Variants in COL5A2 observed in about 807,000 individuals in gnomAD.
COL5A2 encodes collagen type V alpha 2 chain, also known as collagen alpha-2(V) chain.
Under a neutral mutation model 208.2 loss-of-function variants are expected in COL5A2, and 23 were observed. That is an observed-to-expected ratio of 0.11 (90% CI 0.08 to 0.16). COL5A2 has a LOEUF of 0.16. COL5A2 is among the 10% of genes least tolerant of loss of function. The probability of loss-of-function intolerance (pLI) is 1.00; values close to 1 mark genes in which losing one functional copy is unlikely to be tolerated. For missense variants in COL5A2, 1,590 were observed against 1,956.4 expected (o/e 0.81, Z 3.53); for synonymous variants, 625 against 628.5 (o/e 0.99, Z 0.08).
At chr2:189,049,294 G>C in intron 44 of COL5A2, 53 bp downstream of exon 44, 3 of 1,253,422 alleles carry the variant, frequency 2.4e-6, no homozygotes, top group Non-Finnish European at 3.5e-6. Flanking sequence ...GAAAAAAATT[G>C]TTTCCATGAC....
At chr2:189,291,783 G>A in the COL5A2 span, among the ~76,000 whole-genome samples, 1 of 149,892 alleles carries the variant, frequency 6.7e-6, no homozygotes, top group Non-Finnish European at 1.5e-5. Context: ...TTTTCCTGTG[G>A]AAAATTAAGC....
At chr2:189,210,293 C>T (rs1482396743) in intron 1 of COL5A2, among the ~76,000 whole-genome samples, 2 of 151,672 alleles carry the variant, frequency 1.3e-5, no homozygotes, top group South Asian at 4.2e-4. Context: ...ATGCAGGATC[C>T]CCAAGATTGA....
chr2:189,318,836 T>C, the COL5A2 span, among the ~76,000 whole-genome samples: 136 of 152,282 alleles, frequency 8.9e-4, no homozygotes, highest in Admixed American at 1.9e-3. Flanking sequence ...TTGAATAGTT[T>C]TGAATTTTGA....
At chr2:189,153,716 C>T (rs1368192429) in intron 1 of COL5A2, among the ~76,000 whole-genome samples, 1 of 151,988 alleles carries the variant, frequency 6.6e-6, no homozygotes. Flanking sequence ...TCTGGTATCT[C>T]TCTATATACT....
chr2:189,154,668 G>A (rs1018505214), intron 1 of COL5A2, among the ~76,000 whole-genome samples: 4 of 152,098 alleles, frequency 2.6e-5, no homozygotes, highest in African/African-American at 7.2e-5. Context: ...ATGAAATCTC[G>A]CTAGGTTGCC....
the COL5A2 span, among the ~76,000 whole-genome samples, chr2:189,337,175 AT>A: frequency 0.043 from 6,114 of 141,888 alleles, 146 homozygotes; most frequent in African/African-American, 0.056. Flanking sequence ...TTTTGACATC[AT>A]TTTTTTTTTT....
chr2:189,266,965 AAAT>A, the COL5A2 span, among the ~76,000 whole-genome samples: 9 of 151,512 alleles, frequency 5.9e-5, no homozygotes, highest in East Asian at 1.7e-3. Context: ...TAATGAAAAT[AAAT>A]ATTATATTAA....
chr2:189,409,316 A>G, the COL5A2 span, among the ~76,000 whole-genome samples: 1 of 149,470 alleles, frequency 6.7e-6, no homozygotes, highest in African/African-American at 2.5e-5. Flanking sequence ...AGTACAAGCA[A>G]TTTTTCCAAC....
chr2:189,282,503 A>G, the COL5A2 span, among the ~76,000 whole-genome samples: 1 of 152,208 alleles, frequency 6.6e-6, no homozygotes, highest in Non-Finnish European at 1.5e-5. Flanking sequence ...TGATGCAGTC[A>G]CTTGCTCCCA....
At chr2:189,337,777 C>A in the COL5A2 span, among the ~76,000 whole-genome samples, 1 of 150,756 alleles carries the variant, frequency 6.6e-6, no homozygotes, top group Admixed American at 6.6e-5. Context: ...TACCTTGCAG[C>A]CAACAGATCC....
At chr2:189,064,949 G>A in intron 24 of COL5A2, 55 bp downstream of exon 24, 2 of 1,546,100 alleles carry the variant, frequency 1.3e-6, no homozygotes, top group South Asian at 2.3e-5. Flanking sequence ...GCTGAAAAAT[G>A]GCATCTTCTG....
chr2:189,237,112 T>G, the COL5A2 span, among the ~76,000 whole-genome samples: 1 of 151,792 alleles, frequency 6.6e-6, no homozygotes, highest in African/African-American at 2.4e-5. Flanking sequence ...TTATCTGGAA[T>G]CTGGTTTACT....
the COL5A2 span, among the ~76,000 whole-genome samples, chr2:189,310,607 G>C: frequency 6.6e-6 from 1 of 152,132 alleles, no homozygotes; most frequent in Non-Finnish European, 1.5e-5. Flanking sequence ...TCAGGACCTT[G>C]AAGAGATAAC....
At chr2:189,100,407 C>T (rs1461248334) in intron 3 of COL5A2, among the ~76,000 whole-genome samples, 2 of 151,870 alleles carry the variant, frequency 1.3e-5, no homozygotes, top group Non-Finnish European at 2.9e-5. Flanking sequence ...TAGATCAAAT[C>T]CAAAGAGTTG....
intron 29 of COL5A2, among the ~76,000 whole-genome samples, chr2:189,062,184 AT>A (rs11322627): frequency 0.91 from 119,425 of 131,172 alleles, 54,043 homozygotes; most frequent in Non-Finnish European, 0.95. Flanking sequence ...ACCTTAAATA[AT>A]TTTTTTTTTT....
the COL5A2 span, among the ~76,000 whole-genome samples, chr2:189,300,192 T>C: frequency 2.0e-5 from 3 of 152,186 alleles, no homozygotes; most frequent in African/African-American, 7.2e-5. Context: ...AGTCAGCATA[T>C]TATACTTTCT....
At chr2:189,408,965 G>T in the COL5A2 span, among the ~76,000 whole-genome samples, 93 of 152,182 alleles carry the variant, frequency 6.1e-4, no homozygotes, top group South Asian at 6.2e-3. Context: ...TAATTTTTGT[G>T]ACTATAGTCA....
chr2:189,201,986 T>C (rs541786680), intron 1 of COL5A2, among the ~76,000 whole-genome samples: 39 of 151,222 alleles, frequency 2.6e-4, no homozygotes, highest in Non-Finnish European at 4.7e-4. Flanking sequence ...ACTAAAATTA[T>C]ATATATTATA....
the COL5A2 span, among the ~76,000 whole-genome samples, chr2:189,284,182 CAA>C: frequency 6.6e-6 from 1 of 151,988 alleles, no homozygotes; most frequent in South Asian, 2.1e-4. Flanking sequence ...AGTTGGAAAA[CAA>C]AAGTGTTTTA....
Sources: gnomAD v4.1 joint callset for allele counts (sites outside exome capture counted in the v4.1 genomes callset) on GRCh38, gnomAD v4.1.1 for gene constraint, MANE v1.5 for transcripts, NCBI Gene and HGNC (gene_info 2026-07-23, HGNC 2026-07-21) for gene names.